The following WDFY3 variants were observed in gnomAD, a reference collection of about 807,000 sequenced individuals.
The protein encoded by WDFY3 is WD repeat and FYVE domain-containing protein 3.
A neutral mutation model predicts 409.6 loss-of-function variants in WDFY3; 66 were observed. That is an observed-to-expected ratio of 0.16 (90% CI 0.13 to 0.20). The LOEUF is 0.20. Ranked by LOEUF, WDFY3 falls within the 10% of genes least tolerant of loss-of-function variation. The pLI is 1.00. For synonymous variants in WDFY3, 1,521 were observed against 1,537.1 expected (o/e 0.99, Z 0.25); for missense variants, 3,031 against 4,298.1 (o/e 0.71, Z 8.24).
chr4:84,868,479 G>C (rs1169085313), intron 3 of WDFY3, among the ~76,000 whole-genome samples: 2 of 152,070 alleles, frequency 1.3e-5, no homozygotes, highest in Non-Finnish European at 2.9e-5. Context: ...CTTTCAAGGA[G>C]AGTCATTATC....
intron 7 of WDFY3, among the ~76,000 whole-genome samples, chr4:84,833,986 C>A (rs1022940096): frequency 6.6e-6 from 1 of 152,058 alleles, no homozygotes; most frequent in Non-Finnish European, 1.5e-5. Flanking sequence ...TGCTGGATAC[C>A]AAATGTCCAT....
At chr4:84,837,746 G>T (rs951846480) in intron 6 of WDFY3, among the ~76,000 whole-genome samples, 21 of 152,122 alleles carry the variant, frequency 1.4e-4, no homozygotes, top group African/African-American at 5.1e-4. Flanking sequence ...ATTTTCCATG[G>T]TGCAGTTTGG....
chr4:84,754,464 A>G (rs1741088896), intron 34 of WDFY3, among the ~76,000 whole-genome samples: 1 of 152,232 alleles, frequency 6.6e-6, no homozygotes, highest in Non-Finnish European at 1.5e-5. Flanking sequence ...CTAAATTAAT[A>G]CATTTAATGG....
intron 10 of WDFY3, 104 bp downstream of exon 10, chr4:84,826,711 C>A (rs1478766931): frequency 8.5e-7 from 1 of 1,175,230 alleles, no homozygotes; most frequent in Non-Finnish European, 1.1e-6. Flanking sequence ...AACTATATTA[C>A]TTTTATATAT....
At position 84,821,465 on chromosome 4, in the gene WDFY3, G is replaced by C. The variant is rs151274888; in HGVS notation, c.1210C>G (p.Leu404Val). The change falls in exon 11 of 68, where the codon CTT (leucine) becomes GTT (valine). Residue 404 changes from leucine (L) to valine (V), a missense_variant. Physicochemically the swap from Leu to Val is conservative, Grantham distance 32. Coordinates refer to ENST00000295888, the MANE Select transcript of WDFY3 (RefSeq NM_014991.6). ...ATGTAAATATTTGTGATAGCATCAAGGATGATTTGGGCAAGGAAGCTGGTT... is the reference window on the plus strand; with the variant it reads ...ATGTAAATATTTGTGATAGCATCAACGATGATTTGGGCAAGGAAGCTGGTT... ...AKTSFLAQII[L>V]DAITNIYMAD... 1.5e-5 allele frequency: 24 copies of C among 1,613,742 alleles called. No homozygotes were observed. Among genetic ancestry groups the C allele is most frequent in the Non-Finnish European group, 2.0e-5 (24 of 1,179,834 alleles).
At chr4:84,909,025 T>C (rs1456804126) in intron 2 of WDFY3, among the ~76,000 whole-genome samples, 2 of 150,732 alleles carry the variant, frequency 1.3e-5, no homozygotes, top group African/African-American at 2.5e-5. Flanking sequence ...TACGCACGTA[T>C]CCATACACAC....
intron 58 of WDFY3, among the ~76,000 whole-genome samples, chr4:84,695,448 C>CGTGTGT (rs150816589): frequency 0.017 from 2,321 of 136,084 alleles, 71 homozygotes; most frequent in African/African-American, 0.058. Flanking sequence ...ATTTGGGTCC[C>CGTGTGT]GTGTGTGTGT....
intron 27 of WDFY3, among the ~76,000 whole-genome samples, chr4:84,777,293 C>T (rs1402203920): frequency 6.6e-6 from 1 of 151,290 alleles, no homozygotes; most frequent in Non-Finnish European, 1.5e-5. Flanking sequence ...GAGATGAGAC[C>T]GTCAGCCTAG....
rs76182782 is a variant in WDFY3, at chr4:84,954,642, TTC to T, written c.-226+11565_-226+11566del. On this transcript the variant is annotated intron_variant, in intron 1 of 67. Transcript: ENST00000295888. ...ACAGTGAACATTTATTTTCTTAATT[TTC>T]TGACATGTTTACTGTCTATTTACAT... Among the ~76,000 whole-genome samples, 184 of 152,334 alleles carry T rather than the reference TTC, an allele frequency of 1.2e-3. 5 individuals are homozygous for T. In the East Asian group the frequency reaches 0.027, roughly 22 times the overall value.
intron 3 of WDFY3, chr4:84,886,442 A>G (rs1237121133): frequency 7.2e-5 from 11 of 151,940 alleles, no homozygotes; most frequent in African/African-American, 2.7e-4. Context: ...AGCCATGCTA[A>G]TCTTCTCTGT....
At chr4:84,893,982 C>A (rs1430127265) in intron 3 of WDFY3, among the ~76,000 whole-genome samples, 1 of 151,184 alleles carries the variant, frequency 6.6e-6, no homozygotes, top group Admixed American at 6.6e-5. Context: ...GAGCAAGACT[C>A]CGTCTCAAAA....
At chr4:84,763,470 C>G (rs1186775554) in intron 32 of WDFY3, among the ~76,000 whole-genome samples, 1 of 151,988 alleles carries the variant, frequency 6.6e-6, no homozygotes. Context: ...ATAGGTGCAG[C>G]AAACCACCAT....
chr4:84,871,861 C>T (rs1762176108), intron 3 of WDFY3, among the ~76,000 whole-genome samples: 1 of 152,182 alleles, frequency 6.6e-6, no homozygotes, highest in Admixed American at 6.5e-5. Context: ...TCTCAAACTC[C>T]TGGCTCAAGT....
intron 34 of WDFY3, 72 bp downstream of exon 34, chr4:84,755,194 T>G: frequency 6.4e-7 from 1 of 1,574,444 alleles, no homozygotes. Flanking sequence ...TACCAAAAAA[T>G]TCCTCTATTT....
rs79727376 is a variant in WDFY3 at position 84,838,884 on chromosome 4, T to C, written c.415-1794A>G. Among the ~76,000 whole-genome samples the C allele has an allele frequency of 2.6e-5, 4 of 152,208 alleles. No individual in the cohort carries two copies. In the East Asian group the frequency reaches 7.7e-4, roughly 29 times the overall value. ...ACTATATATGCCCCATTATTAAATATTATGGTACTATCTTTTTCTGCTTCA... is the reference window on the plus strand; with the variant it reads ...ACTATATATGCCCCATTATTAAATACTATGGTACTATCTTTTTCTGCTTCA... On this transcript the variant is annotated intron_variant, in intron 6 of 67. Coordinates refer to ENST00000295888, the MANE Select transcript of WDFY3 (RefSeq NM_014991.6).
chr4:84,860,034 C>CAA, intron 4 of WDFY3, among the ~76,000 whole-genome samples: 3 of 152,256 alleles, frequency 2.0e-5, no homozygotes, highest in Middle Eastern at 3.4e-3. Flanking sequence ...TTAAAGTATA[C>CAA]AAAGGGCTTG....
At chr4:84,892,767 T>C (rs1765120926) in intron 3 of WDFY3, among the ~76,000 whole-genome samples, 1 of 152,244 alleles carries the variant, frequency 6.6e-6, no homozygotes, top group Non-Finnish European at 1.5e-5. Flanking sequence ...GGAGTTTAGA[T>C]TCTCATGAGA....
intron 8 of WDFY3, among the ~76,000 whole-genome samples, chr4:84,830,854 T>C (rs767346794): frequency 6.6e-6 from 1 of 152,154 alleles, no homozygotes; most frequent in Non-Finnish European, 1.5e-5. Context: ...TACATTATGA[T>C]TGAATTTACA....
At chr4:84,933,014 C>A (rs1770961529) in intron 1 of WDFY3, among the ~76,000 whole-genome samples, 1 of 152,106 alleles carries the variant, frequency 6.6e-6, no homozygotes, top group Non-Finnish European at 1.5e-5. Flanking sequence ...CTGCTCTCAA[C>A]AAGTTCTATA....
Sources: allele counts gnomAD v4.1 joint callset (sites outside exome capture counted in the v4.1 genomes callset), GRCh38; gene constraint gnomAD v4.1.1; transcripts MANE v1.5; gene names NCBI Gene and HGNC (gene_info 2026-07-23, HGNC 2026-07-21).